Variants in GRIK1 observed in about 807,000 individuals in gnomAD.
GRIK1 encodes glutamate receptor ionotropic, kainate 1.
Under a neutral mutation model 105.7 loss-of-function variants are expected in GRIK1, and 69 were observed. The ratio of observed to expected loss-of-function variants is 0.65; its 90% CI spans 0.54 to 0.80. The LOEUF is 0.80. Ranked by LOEUF, GRIK1 falls within the 30% of genes least tolerant of loss-of-function variation. The pLI is 0.00. For missense variants in GRIK1, 1,109 were observed against 1,167.3 expected (o/e 0.95, Z 0.73); for synonymous variants, 438 against 431.3 (o/e 1.02, Z -0.19).
chr21:29,745,251 C>T (rs1337112513), intron 1 of GRIK1, among the ~76,000 whole-genome samples: 1 of 152,170 alleles, frequency 6.6e-6, no homozygotes, highest in East Asian at 1.9e-4. Context: ...ATCCTCAAGA[C>T]TTGAATACTG....
At chr21:29,781,906 A>G (rs1361047117) in intron 1 of GRIK1, among the ~76,000 whole-genome samples, 6 of 147,332 alleles carry the variant, frequency 4.1e-5, no homozygotes, top group South Asian at 2.2e-4. Flanking sequence ...TCCTGACCTC[A>G]TGATCCACCC....
chr21:29,701,623 G>T (rs2063814265), intron 1 of GRIK1, among the ~76,000 whole-genome samples: 1 of 152,180 alleles, frequency 6.6e-6, no homozygotes, highest in Non-Finnish European at 1.5e-5. Context: ...GAAATGATAT[G>T]ACATATTTCA....
chr21:29,934,119 T>G (rs2071666407), intron 1 of GRIK1, among the ~76,000 whole-genome samples: 1 of 152,200 alleles, frequency 6.6e-6, no homozygotes, highest in Admixed American at 6.5e-5. Flanking sequence ...TTGTACACTC[T>G]AACAACAAAC....
intron 1 of GRIK1, among the ~76,000 whole-genome samples, chr21:29,853,901 A>G (rs2068381817): frequency 6.6e-6 from 1 of 152,196 alleles, no homozygotes; most frequent in Non-Finnish European, 1.5e-5. Context: ...AGTAAAAAGA[A>G]TAGGTGATGC....
intron 14 of GRIK1, among the ~76,000 whole-genome samples, chr21:29,575,434 C>T (rs2090867025): frequency 6.6e-6 from 1 of 151,868 alleles, no homozygotes; most frequent in Non-Finnish European, 1.5e-5. Context: ...CAACTTATAC[C>T]TCCTAAATCT....
chr21:29,651,205 G>A lies in GRIK1; in HGVS notation c.867C>T (p.His289=), dbSNP rs146591187. The change falls in exon 6 of 18, where the codon CAC becomes CAT. Residue 289 remains histidine (H), a synonymous_variant. Transcript: ENST00000327783. ...GFRLLNIDNP[H]VSSIIEKWSM... ...ACCACTTCTCAATGATGGATGACAC[G>A]TGAGGGTTGTCAATGTTAAGCAGCC... 6.2e-5 allele frequency: 100 copies of A among 1,612,922 alleles called. No homozygotes were observed. The highest frequency in any genetic ancestry group is 8.1e-5 in the Non-Finnish European group (95 of 1,179,002).
At chr21:29,589,704 G>A (rs1439293309) in intron 10 of GRIK1, among the ~76,000 whole-genome samples, 1 of 152,114 alleles carries the variant, frequency 6.6e-6, no homozygotes, top group East Asian at 1.9e-4. Flanking sequence ...GACTACCGGT[G>A]TGAGCCACCA....
intron 1 of GRIK1, among the ~76,000 whole-genome samples, chr21:29,783,843 G>C (rs1450958938): frequency 3.9e-5 from 6 of 152,156 alleles, no homozygotes; most frequent in African/African-American, 1.2e-4. Flanking sequence ...AAATTCTAAA[G>C]AGTCCAAAGG....
intron 3 of GRIK1, among the ~76,000 whole-genome samples, chr21:29,682,088 G>A (rs773794629): frequency 1.3e-5 from 2 of 152,188 alleles, no homozygotes; most frequent in African/African-American, 2.4e-5. Flanking sequence ...ATATTTTGGA[G>A]AGAAATGCAA....
At chr21:29,813,913 C>CTTT (rs35127743) in intron 1 of GRIK1, among the ~76,000 whole-genome samples, 1 of 126,282 alleles carries the variant, frequency 7.9e-6, no homozygotes, top group South Asian at 2.6e-4. Context: ...AAGAAACATT[C>CTTT]TTTTTTTTTT....
At chr21:29,634,101 ATCAG>A (rs2062344222) in intron 7 of GRIK1, among the ~76,000 whole-genome samples, 1 of 152,178 alleles carries the variant, frequency 6.6e-6, no homozygotes, top group Non-Finnish European at 1.5e-5. Context: ...CCCATACAAA[ATCAG>A]CCAACCAACC....
intron 14 of GRIK1, among the ~76,000 whole-genome samples, chr21:29,570,553 T>G (rs1323409583): frequency 7.9e-5 from 12 of 152,142 alleles, no homozygotes; most frequent in African/African-American, 2.9e-4. Flanking sequence ...TCTGAATTAT[T>G]AATACACTGA....
intron 1 of GRIK1, among the ~76,000 whole-genome samples, chr21:29,795,256 G>A (rs2066526628): frequency 6.6e-6 from 1 of 151,966 alleles, no homozygotes; most frequent in South Asian, 2.1e-4. Context: ...GGCTGGTCTT[G>A]AATTCTTGAC....
intron 1 of GRIK1, among the ~76,000 whole-genome samples, chr21:29,721,752 GA>G (rs2064328677): frequency 6.6e-6 from 1 of 152,150 alleles, no homozygotes; most frequent in African/African-American, 2.4e-5. Context: ...CAGTGAGAAA[GA>G]AACTCTACTT....
At chr21:29,713,277 C>T (rs763482447) in intron 1 of GRIK1, among the ~76,000 whole-genome samples, 3 of 152,098 alleles carry the variant, frequency 2.0e-5, no homozygotes, top group Non-Finnish European at 4.4e-5. Context: ...CATCCTTGTC[C>T]TTGCTTCTTA....
In GRIK1 at chr21:29,848,388, C is replaced by T. The variant is rs144944411; in HGVS notation, c.118+90995G>A. Among the ~76,000 whole-genome samples, 1,284 of 152,246 alleles carry T rather than the reference C, an allele frequency of 8.4e-3. 10 individuals carry two copies. Among genetic ancestry groups the T allele is most frequent in the Non-Finnish European group, 0.012 (828 of 68,020 alleles). ...CCAAGTTCTCCATTATGTTTTCCAA[C>T]CTGTGCTTCCGGCCTCATGGCAAAC... is the stretch of plus-strand genomic sequence containing the variant. On this transcript the variant is annotated intron_variant, in intron 1 of 17. Transcript: ENST00000327783.
intron 1 of GRIK1, among the ~76,000 whole-genome samples, chr21:29,698,922 A>T (rs541223196): frequency 6.6e-6 from 1 of 152,324 alleles, no homozygotes; most frequent in African/African-American, 2.4e-5. Flanking sequence ...ATAGATAAGA[A>T]TTCTGAAAAA....
rs566727266 is a variant in GRIK1 at position 29,910,690 on chromosome 21, G to A, written c.118+28693C>T. Among the ~76,000 whole-genome samples the A allele has an allele frequency of 2.6e-5, 4 of 152,162 alleles. No individual in the cohort carries two copies. In the East Asian group the frequency reaches 7.7e-4, roughly 29 times the overall value. On this transcript the variant is annotated intron_variant, in intron 1 of 17. Coordinates refer to ENST00000327783, the MANE Select transcript of GRIK1 (RefSeq NM_001330994.2). ...TATGATGTGTAAATGTCTGGCTTAC[G>A]TAGGCCCTTTCTAACTAATTATAGG...
At chr21:29,741,454 T>G (rs1828647991) in intron 1 of GRIK1, among the ~76,000 whole-genome samples, 1 of 152,196 alleles carries the variant, frequency 6.6e-6, no homozygotes, top group Non-Finnish European at 1.5e-5. Context: ...CTGAAATCAT[T>G]GTGAATGTAG....
Sources: allele counts gnomAD v4.1 joint callset (sites outside exome capture counted in the v4.1 genomes callset), GRCh38; gene constraint gnomAD v4.1.1; transcripts MANE v1.5; gene names NCBI Gene and HGNC (gene_info 2026-07-23, HGNC 2026-07-21).